Variants in BRINP3 observed in about 807,000 individuals in gnomAD.
The protein encoded by BRINP3 is BMP/retinoic acid inducible neural specific 3, also known as BMP/retinoic acid-inducible neural-specific protein 3.
Under a neutral mutation model 71.0 loss-of-function variants are expected in BRINP3, and 19 were observed. The observed-to-expected ratio is 0.27, with a 90% CI of 0.19 to 0.39. BRINP3 has a LOEUF of 0.39. Among genes scored for constraint, BRINP3 ranks in the 10% least tolerant of loss-of-function variants. BRINP3 has a pLI of 1.00. For missense variants in BRINP3, 959 were observed against 940.8 expected (o/e 1.02, Z -0.25); for synonymous variants, 380 against 337.7 (o/e 1.13, Z -1.37).
intron 6 of BRINP3, among the ~76,000 whole-genome samples, chr1:190,214,647 G>A (rs1656251358): frequency 1.3e-5 from 2 of 152,086 alleles, no homozygotes; most frequent in South Asian, 2.1e-4. Flanking sequence ...ATTGTTTGTG[G>A]TGTTTTCTCC....
intron 2 of BRINP3, among the ~76,000 whole-genome samples, chr1:190,339,201 C>T (rs1301408295): frequency 2.0e-5 from 3 of 152,060 alleles, no homozygotes; most frequent in Non-Finnish European, 2.9e-5. Context: ...TACTTTATCA[C>T]TGTTGCTCTT....
At chr1:190,289,586 A>C (rs1335082174) in intron 2 of BRINP3, among the ~76,000 whole-genome samples, 2 of 152,028 alleles carry the variant, frequency 1.3e-5, no homozygotes, top group Non-Finnish European at 2.9e-5. Flanking sequence ...AATTTTACAC[A>C]CAAACACTTT....
At chr1:190,385,598 T>A (rs1438328281) in intron 2 of BRINP3, among the ~76,000 whole-genome samples, 1 of 152,054 alleles carries the variant, frequency 6.6e-6, no homozygotes, top group African/African-American at 2.4e-5. Flanking sequence ...CTGGAGAGGA[T>A]GTGAAGAAAT....
intron 7 of BRINP3, among the ~76,000 whole-genome samples, chr1:190,109,058 T>C (rs532931717): frequency 2.2e-4 from 33 of 152,184 alleles, no homozygotes; most frequent in Admixed American, 7.9e-4. Context: ...GTAAATCCAC[T>C]TTGAAATCAT....
chr1:190,137,511 A>T (rs566031717), intron 7 of BRINP3, among the ~76,000 whole-genome samples: 2 of 152,184 alleles, frequency 1.3e-5, no homozygotes, highest in South Asian at 4.2e-4. Context: ...AGTACAATAC[A>T]AGAATTGTCT....
intron 2 of BRINP3, among the ~76,000 whole-genome samples, chr1:190,312,688 T>C (rs1665619074): frequency 6.6e-6 from 1 of 151,828 alleles, no homozygotes; most frequent in Middle Eastern, 3.2e-3. Context: ...AAGATAAAAT[T>C]TCTTAAATTA....
intron 2 of BRINP3, among the ~76,000 whole-genome samples, chr1:190,300,910 A>T (rs558353506): frequency 6.6e-6 from 1 of 152,100 alleles, no homozygotes; most frequent in Admixed American, 6.6e-5. Context: ...ACCAGCAACG[A>T]AACAAAGCTG....
At chr1:190,321,558 T>C (rs1387023821) in intron 2 of BRINP3, among the ~76,000 whole-genome samples, 1 of 152,102 alleles carries the variant, frequency 6.6e-6, no homozygotes, top group African/African-American at 2.4e-5. Context: ...GTAATAAAAT[T>C]AGCCAAAAGG....
chr1:190,244,525 G>A (rs1659404888), intron 4 of BRINP3, among the ~76,000 whole-genome samples: 1 of 152,026 alleles, frequency 6.6e-6, no homozygotes, highest in Non-Finnish European at 1.5e-5. Context: ...CAAATGTCAA[G>A]TGCTGAATGA....
intron 1 of BRINP3, among the ~76,000 whole-genome samples, chr1:190,457,919 T>TA (rs775536383): frequency 0.035 from 4,838 of 138,492 alleles, 114 homozygotes; most frequent in African/African-American, 0.078. Context: ...ATCCCCTCAT[T>TA]AAAAAAAAAA....
At chr1:190,240,135 A>C (rs1346196502) in intron 4 of BRINP3, among the ~76,000 whole-genome samples, 1 of 151,838 alleles carries the variant, frequency 6.6e-6, no homozygotes, top group African/African-American at 2.4e-5. Flanking sequence ...TTCATTTTTA[A>C]GTATGCACTA....
chr1:190,351,014 G>T (rs761665192), intron 2 of BRINP3, among the ~76,000 whole-genome samples: 1 of 151,834 alleles, frequency 6.6e-6, no homozygotes, highest in Non-Finnish European at 1.5e-5. Context: ...CATGTTGTCA[G>T]GCTGGTCTCA....
At chr1:190,307,274 T>G (rs892326694) in intron 2 of BRINP3, among the ~76,000 whole-genome samples, 30 of 127,968 alleles carry the variant, frequency 2.3e-4, no homozygotes, top group South Asian at 1.9e-3. Context: ...TTTTTTTTTT[T>G]TTTTTTTTTT....
intron 7 of BRINP3, among the ~76,000 whole-genome samples, chr1:190,115,135 T>C (rs1465463859): frequency 6.6e-6 from 1 of 152,206 alleles, no homozygotes; most frequent in African/African-American, 2.4e-5. Context: ...AGTCCCCATG[T>C]ACTCAATAAA....
chr1:190,282,208 G>A (rs999534382), intron 2 of BRINP3, among the ~76,000 whole-genome samples: 5 of 150,276 alleles, frequency 3.3e-5, no homozygotes, highest in African/African-American at 9.8e-5. Flanking sequence ...TTAAGGAGAC[G>A]CAGAACTTTA....
At chr1:190,432,572 T>G (rs1026639655) in intron 2 of BRINP3, among the ~76,000 whole-genome samples, 1 of 152,174 alleles carries the variant, frequency 6.6e-6, no homozygotes, top group Non-Finnish European at 1.5e-5. Flanking sequence ...GAACATGGCA[T>G]TTCGGGGCTG....
At chr1:190,391,758 C>T (rs1054253541) in intron 2 of BRINP3, among the ~76,000 whole-genome samples, 2 of 151,464 alleles carry the variant, frequency 1.3e-5, no homozygotes, top group Admixed American at 6.6e-5. Context: ...CTGAATCGAC[C>T]GATGTTACAA....
intron 6 of BRINP3, among the ~76,000 whole-genome samples, chr1:190,165,568 T>A (rs1462107400): frequency 1.3e-5 from 2 of 149,612 alleles, no homozygotes; most frequent in Non-Finnish European, 3.0e-5. Context: ...CAAATAAATA[T>A]GAAACTATGT....
At chr1:190,196,158 C>A (rs1321991242) in intron 6 of BRINP3, among the ~76,000 whole-genome samples, 1 of 152,106 alleles carries the variant, frequency 6.6e-6, no homozygotes, top group African/African-American at 2.4e-5. Context: ...AATATATTAT[C>A]CCAACCCTGG....
Sources: gnomAD v4.1 joint callset for allele counts (sites outside exome capture counted in the v4.1 genomes callset) on GRCh38, gnomAD v4.1.1 for gene constraint, MANE v1.5 for transcripts, NCBI Gene and HGNC (gene_info 2026-07-23, HGNC 2026-07-21) for gene names.